Variants in RGS7 observed in about 807,000 individuals in gnomAD.
RGS7 encodes regulator of G protein signaling 7, also known as regulator of G-protein signaling 7.
A neutral mutation model predicts 81.1 loss-of-function variants in RGS7; 27 were observed. The observed-to-expected ratio is 0.33, with a 90% confidence interval of 0.25 to 0.46. The LOEUF (loss-of-function observed/expected upper bound fraction) is 0.46, where lower values mean the gene tolerates loss of function less well. RGS7 is among the 20% of genes least tolerant of loss of function. RGS7 has a pLI of 1.00. For synonymous variants in RGS7, 208 were observed against 207.7 expected, an observed-to-expected ratio of 1.00 and a Z score of -0.01; for missense variants, 396 against 607.4, an observed-to-expected ratio of 0.65 and a Z score of 3.66.
intron 4 of RGS7, among the ~76,000 whole-genome samples, chr1:240,957,352 T>C (rs1283272191): frequency 1.3e-5 from 2 of 152,214 alleles, no homozygotes; most frequent in Non-Finnish European, 2.9e-5. Context: ...AAGGCTGCAC[T>C]GTCAGCTTCC....
At chr1:241,179,435 C>T (rs2071419832) in intron 2 of RGS7, among the ~76,000 whole-genome samples, 1 of 152,140 alleles carries the variant, frequency 6.6e-6, no homozygotes, top group Admixed American at 6.6e-5. Context: ...AATCATTAAT[C>T]AGTCAGTGTT....
In RGS7 at chr1:240,776,002, G is replaced by A. The variant is rs1558230907; in HGVS notation, c.*218C>T. 10 of 677,768 alleles carry A rather than the reference G, an allele frequency of 1.5e-5. No individual in the cohort carries two copies. Among genetic ancestry groups the A allele is most frequent in the South Asian group, 3.2e-5 (2 of 62,374 alleles). 42.0% of individuals were successfully genotyped at this position (677,768 alleles called of 1,614,324 possible). ...CAGTTTGGAATGGAGGCATTGAGACGGAAGAGTCCATTGGAGATGGAATGT... is the reference window on the plus strand; with the variant it reads ...CAGTTTGGAATGGAGGCATTGAGACAGAAGAGTCCATTGGAGATGGAATGT... On this transcript the variant is annotated 3_prime_UTR_variant, in exon 19 of 19. Transcript: ENST00000440928.
chr1:241,001,056 T>G (rs984939636), intron 3 of RGS7, among the ~76,000 whole-genome samples: 10 of 152,158 alleles, frequency 6.6e-5, no homozygotes, highest in Admixed American at 1.3e-4. Flanking sequence ...CTTACATCAT[T>G]AAGAAACTCT....
chr1:240,905,548 G>C (rs1213348143), intron 6 of RGS7, among the ~76,000 whole-genome samples: 1 of 152,176 alleles, frequency 6.6e-6, no homozygotes, highest in Non-Finnish European at 1.5e-5. Context: ...TTGACACAAG[G>C]TGTTGACTAT....
chr1:241,276,581 T>A (rs992199077), intron 2 of RGS7, among the ~76,000 whole-genome samples: 6 of 152,208 alleles, frequency 3.9e-5, no homozygotes, highest in Non-Finnish European at 7.3e-5. Flanking sequence ...AGCAACACTA[T>A]GAATCACTGC....
Position 240,955,036 on chromosome 1 carries a change from T to C in RGS7, c.227-18330A>G, listed in dbSNP as rs560516407. On this transcript the variant is annotated intron_variant, in intron 4 of 18. Coordinates refer to ENST00000440928, the MANE Select transcript of RGS7 (RefSeq NM_001364886.1). Reference sequence around the variant, plus strand: ...ATAGTGATAAATCTAACAAAATATATACAAAATCTGTGAGAAAAACTACAT... The same window carrying C: ...ATAGTGATAAATCTAACAAAATATACACAAAATCTGTGAGAAAAACTACAT... 2.6e-5 allele frequency among the ~76,000 whole-genome samples: 4 copies of C among 152,160 alleles called. No individual in the cohort carries two copies. The East Asian group carries it at 5.8e-4, about 22-fold the overall frequency.
chr1:241,203,205 C>T (rs1169611198), intron 2 of RGS7, among the ~76,000 whole-genome samples: 1 of 152,002 alleles, frequency 6.6e-6, no homozygotes, highest in Non-Finnish European at 1.5e-5. Context: ...TTTTTGGCTG[C>T]CACGAGACTT....
At chr1:241,123,233 C>T (rs2066410852) in intron 2 of RGS7, among the ~76,000 whole-genome samples, 2 of 152,188 alleles carry the variant, frequency 1.3e-5, no homozygotes. Flanking sequence ...CAGCAGCTCC[C>T]TCTTTTTCAT....
At chr1:241,053,490 G>A (rs750203084) in intron 3 of RGS7, among the ~76,000 whole-genome samples, 2 of 152,182 alleles carry the variant, frequency 1.3e-5, no homozygotes, top group African/African-American at 4.8e-5. Context: ...CACTATCAAC[G>A]AAGAATATAG....
intron 2 of RGS7, among the ~76,000 whole-genome samples, chr1:241,103,809 G>T (rs1326164190): frequency 6.6e-6 from 1 of 152,232 alleles, no homozygotes; most frequent in Non-Finnish European, 1.5e-5. Flanking sequence ...GGAAGGTCAA[G>T]GCTGCAGTGA....
At chr1:240,937,099 T>A (rs543077999) in intron 4 of RGS7, among the ~76,000 whole-genome samples, 67 of 152,164 alleles carry the variant, frequency 4.4e-4, no homozygotes, top group Non-Finnish European at 5.9e-4. Flanking sequence ...AGCCTCTCCC[T>A]TCCCACCTAA....
chr1:240,953,448 T>C (rs1255270357), intron 4 of RGS7, among the ~76,000 whole-genome samples: 1 of 151,874 alleles, frequency 6.6e-6, no homozygotes, highest in Non-Finnish European at 1.5e-5. Context: ...AGTTGGAAAG[T>C]CTCCAACTAT....
At chr1:241,335,855 G>A (rs148297160) in intron 2 of RGS7, among the ~76,000 whole-genome samples, 1 of 152,166 alleles carries the variant, frequency 6.6e-6, no homozygotes, top group Admixed American at 6.6e-5. Flanking sequence ...ATATGGGGTT[G>A]TGGATTCAGG....
At chr1:240,871,105 C>G (rs1664412281) in intron 6 of RGS7, among the ~76,000 whole-genome samples, 1 of 152,198 alleles carries the variant, frequency 6.6e-6, no homozygotes, top group Admixed American at 6.5e-5. Context: ...ATGACAAACT[C>G]AAGGCATTCA....
At chr1:240,930,914 T>C (rs1020922129) in intron 5 of RGS7, 146 bp from the exon 6 acceptor site, 6 of 834,122 alleles carry the variant, frequency 7.2e-6, no homozygotes, top group African/African-American at 6.9e-5. Flanking sequence ...AAGAGAGACA[T>C]TGAAAACTCT....
At position 241,306,128 on chromosome 1, in the gene RGS7, T is replaced by TCTCACA. The variant is rs111855784; in HGVS notation, c.78+49570_78+49571insTGTGAG. On this transcript the variant is annotated intron_variant, in intron 2 of 18. Coordinates refer to ENST00000440928, the MANE Select transcript of RGS7 (RefSeq NM_001364886.1). ...CTATATTCTTTCTCTCATCTCTTTT[T>TCTCACA]CACACACACACACACACACACTCAC... 1.9e-3 allele frequency among the ~76,000 whole-genome samples: 283 copies of TCTCACA among 149,774 alleles called. 1 individual carries two copies. The highest frequency in any genetic ancestry group is 6.4e-3 in the African/African-American group (259 of 40,582).
intron 2 of RGS7, among the ~76,000 whole-genome samples, chr1:241,235,300 C>T (rs1357173392): frequency 1.3e-5 from 2 of 152,194 alleles, no homozygotes; most frequent in Non-Finnish European, 2.9e-5. Context: ...GATAATCTAA[C>T]TTCCAACTTG....
intron 3 of RGS7, among the ~76,000 whole-genome samples, chr1:241,026,215 G>A (rs571593187): frequency 6.6e-6 from 1 of 152,254 alleles, no homozygotes; most frequent in African/African-American, 2.4e-5. Context: ...CACACACAGA[G>A]GGAACTCGGT....
chr1:240,800,541 G>T, intron 18 of RGS7, 100 bp downstream of exon 18: 1 of 576,788 alleles, frequency 1.7e-6, no homozygotes, highest in South Asian at 3.3e-5. Context: ...GGCCATCACA[G>T]CAAAAGCCAC....
Sources: gnomAD v4.1 joint callset for allele counts (sites outside exome capture counted in the v4.1 genomes callset) on GRCh38, gnomAD v4.1.1 for gene constraint, MANE v1.5 for transcripts, NCBI Gene and HGNC (gene_info 2026-07-23, HGNC 2026-07-21) for gene names.